PDZD8: variants seen among roughly 807,000 people sequenced by gnomAD.
PDZD8 encodes the protein PDZ domain-containing protein 8.
Under a neutral mutation model 85.8 loss-of-function variants are expected in PDZD8, and 14 were observed. The observed-to-expected ratio is 0.16, with a 90% CI of 0.11 to 0.26. The LOEUF (loss-of-function observed/expected upper bound fraction) is 0.26. Ranked by LOEUF, PDZD8 falls within the 10% of genes least tolerant of loss-of-function variation. The probability of loss-of-function intolerance (pLI) is 1.00; values close to 1 mark genes in which losing one functional copy is unlikely to be tolerated. For synonymous variants in PDZD8, 592 were observed against 568.6 expected, an observed-to-expected ratio of 1.04 and a Z score of -0.59; for missense variants, 1,197 against 1,424.3, an observed-to-expected ratio of 0.84 and a Z score of 2.57.
intron 1 of PDZD8, among the ~76,000 whole-genome samples, chr10:117,352,802 C>T (rs1844827703): frequency 6.6e-6 from 1 of 152,168 alleles, no homozygotes; most frequent in Non-Finnish European, 1.5e-5. Context: ...AGGCTGGCCA[C>T]ACCACAGGGG....
chr10:117,359,535 T>A (rs1477462542), intron 1 of PDZD8, among the ~76,000 whole-genome samples: 2 of 150,474 alleles, frequency 1.3e-5, no homozygotes, highest in Non-Finnish European at 3.0e-5. Context: ...CATGGTAAAA[T>A]CCCGTCTCTA....
chr10:117,374,726 G>A lies in PDZD8; in HGVS notation c.502C>T (p.Pro168Ser). 1 of 1,610,480 alleles carries A rather than the reference G, an allele frequency of 6.2e-7. No homozygotes were observed. Residue 168 changes from proline (P) to serine (S), a missense_variant, in exon 1 of 5, where the codon CCC (proline) becomes TCC (serine). Pro to Ser is a moderately conservative substitution (Grantham distance 74). This residue lies in a region of PDZD8 where 344 missense variants were observed against 453.6 expected (regional missense o/e 0.76). Transcript: ENST00000334464. This position sits in a 1 kb window ranked among gnomAD's most constrained non-coding sequence, Gnocchi z 7.8. ...CCATCGGGCTCCCCGGTGGCCGAGG[G>A]CACGACTGGCCGCACGAGCCGGATG... ...KTIRLVRPVV[P>S]SATGEPDGPE...
At position 117,283,772 on chromosome 10, in the gene PDZD8, T is replaced by A; in HGVS notation, c.2961A>T (p.Pro987=). The change falls in exon 5 of 5, where the codon CCA becomes CCT. Residue 987 remains proline (P), a synonymous_variant. Transcript: ENST00000334464. ...NEGSDTEVCG[P]NSPSKRGNST... ...TGTTTCCCCGTTTAGAAGGACTGTT[T>A]GGACCACAGACCTCCGTGTCACTGC... 2 of 1,614,226 alleles carry A rather than the reference T, an allele frequency of 1.2e-6. No individual in the cohort carries two copies. The highest frequency in any genetic ancestry group is 3.3e-5 in the Admixed American group (2 of 60,022).
At chr10:117,292,018 A>T (rs149727506) in intron 3 of PDZD8, among the ~76,000 whole-genome samples, 1 of 152,296 alleles carries the variant, frequency 6.6e-6, no homozygotes, top group African/African-American at 2.4e-5. Context: ...TTTGCCAAAT[A>T]CCCTAATATC....
At chr10:117,348,305 G>A (rs1313987854) in intron 1 of PDZD8, among the ~76,000 whole-genome samples, 1 of 152,072 alleles carries the variant, frequency 6.6e-6, no homozygotes, top group Non-Finnish European at 1.5e-5. Context: ...TTATTGAATG[G>A]CTACCAAACC....
intron 4 of PDZD8, among the ~76,000 whole-genome samples, chr10:117,286,522 A>T (rs2133760292): frequency 6.6e-6 from 1 of 152,334 alleles, no homozygotes; most frequent in African/African-American, 2.4e-5. Context: ...CTCTTACTTC[A>T]GCTGTCTGGG....
At chr10:117,340,870 T>C (rs1844599741) in intron 2 of PDZD8, 110 bp downstream of exon 2, 1 of 1,210,346 alleles carries the variant, frequency 8.3e-7, no homozygotes, top group Non-Finnish European at 1.1e-6. Context: ...TTAAAGAATT[T>C]ACAGGTAAAT....
intron 1 of PDZD8, among the ~76,000 whole-genome samples, chr10:117,370,711 G>T (rs1426401354): frequency 6.6e-6 from 1 of 151,858 alleles, no homozygotes; most frequent in Non-Finnish European, 1.5e-5. Flanking sequence ...AATTAAAAAA[G>T]AAATGCCACG....
intron 3 of PDZD8, among the ~76,000 whole-genome samples, chr10:117,311,401 AG>A (rs1223719433): frequency 3.1e-4 from 47 of 152,274 alleles, no homozygotes; most frequent in African/African-American, 1.0e-3. Context: ...TGGAAGAAGA[AG>A]GGTTGAGGTT....
chr10:117,349,767 C>T lies in PDZD8; in HGVS notation c.873-8665G>A, dbSNP rs1440256107. On this transcript the variant is annotated intron_variant, in intron 1 of 4. Coordinates refer to ENST00000334464, the MANE Select transcript of PDZD8 (RefSeq NM_173791.5). ...GCAGTGAGCTGAGATCACAACACCG[C>T]ACTTCAGCCTGGGTGACAGAGTAAG... 2.0e-5 allele frequency among the ~76,000 whole-genome samples: 3 copies of T among 151,890 alleles called. No individual in the cohort carries two copies. In the East Asian group the frequency reaches 5.8e-4, roughly 29 times the overall value.
chr10:117,351,619 C>A (rs984397767), intron 1 of PDZD8, among the ~76,000 whole-genome samples: 2 of 152,046 alleles, frequency 1.3e-5, no homozygotes, highest in Non-Finnish European at 2.9e-5. Context: ...ATTCATGGAG[C>A]TGAATTTTCT....
intron 1 of PDZD8, among the ~76,000 whole-genome samples, chr10:117,342,974 C>T (rs1018108780): frequency 6.6e-6 from 1 of 152,164 alleles, no homozygotes; most frequent in Admixed American, 6.5e-5. Flanking sequence ...GCCATACATG[C>T]TGCTTTCACT....
Position 117,291,873 on chromosome 10 carries a change from G to A in PDZD8, c.1099-1525C>T, listed in dbSNP as rs1197454156. Among the ~76,000 whole-genome samples the A allele has an allele frequency of 9.3e-5, 14 of 150,220 alleles. No homozygotes were observed. The Admixed American group carries it at 9.4e-4, about 10-fold the overall frequency. On this transcript the variant is annotated intron_variant, in intron 3 of 4. Coordinates refer to ENST00000334464, the MANE Select transcript of PDZD8 (RefSeq NM_173791.5). ...CAACTGATTTAAAAAAAAAAAACAGGCAGAGTGCTACATCCCAGCTGTTGA... is the reference window on the plus strand; with the variant it reads ...CAACTGATTTAAAAAAAAAAAACAGACAGAGTGCTACATCCCAGCTGTTGA...
chr10:117,305,663 G>A (rs1048730871), intron 3 of PDZD8, among the ~76,000 whole-genome samples: 2 of 152,114 alleles, frequency 1.3e-5, no homozygotes, highest in African/African-American at 2.4e-5. Context: ...TAAGTGTCAT[G>A]TCGGTGATAC....
chr10:117,289,872 C>G (rs1259060697), intron 4 of PDZD8, among the ~76,000 whole-genome samples: 4 of 152,034 alleles, frequency 2.6e-5, no homozygotes, highest in Non-Finnish European at 5.9e-5. Context: ...TTTGCCCTTA[C>G]TTTCACATTC....
intron 3 of PDZD8, among the ~76,000 whole-genome samples, chr10:117,301,895 C>A (rs1843854153): frequency 6.6e-6 from 1 of 152,118 alleles, no homozygotes; most frequent in African/African-American, 2.4e-5. Context: ...CCCGGACAGC[C>A]CCCACAAACA....
intron 3 of PDZD8, among the ~76,000 whole-genome samples, chr10:117,301,833 T>C (rs1280406111): frequency 2.0e-5 from 3 of 152,124 alleles, no homozygotes; most frequent in Non-Finnish European, 4.4e-5. Context: ...TCTTGTTCAT[T>C]TTTGTTCTCT....
rs993036872 is a variant in PDZD8 at position 117,281,001 on chromosome 10, G to C, written c.*2267C>G. 2.0e-5 allele frequency: 3 copies of C among 152,182 alleles called. No homozygotes were observed. Among genetic ancestry groups the C allele is most frequent in the Non-Finnish European group, 4.4e-5 (3 of 68,032 alleles). The allele number at this position is 152,182 out of a possible 1,614,324, so 9.4% of individuals were successfully genotyped here. On this transcript the variant is annotated 3_prime_UTR_variant, in exon 5 of 5. Transcript: ENST00000334464. ...ACACACTGAGCAGATTGCCTCAAGT[G>C]TAAGTTATGGAACAATACTTTAGCT...
At chr10:117,315,812 T>A (rs1263852913) in intron 3 of PDZD8, among the ~76,000 whole-genome samples, 1 of 152,136 alleles carries the variant, frequency 6.6e-6, no homozygotes, top group African/African-American at 2.4e-5. Context: ...ATTAATTTAT[T>A]GTGAATTTTA....
Sources: allele counts gnomAD v4.1 joint callset (sites outside exome capture counted in the v4.1 genomes callset), GRCh38; gene constraint gnomAD v4.1.1; regional missense constraint gnomAD v4.1.1; non-coding constraint Gnocchi (gnomAD v3.1); transcripts MANE v1.5; gene names NCBI Gene and HGNC (gene_info 2026-07-23, HGNC 2026-07-21).